Variants in GBE1 observed in about 807,000 individuals in gnomAD.
The protein encoded by GBE1 is 1,4-alpha-glucan branching enzyme 1.
A neutral mutation model predicts 88.8 loss-of-function variants in GBE1; 70 were observed. The ratio of observed to expected loss-of-function variants is 0.79; its 90% CI spans 0.65 to 0.96. The LOEUF (loss-of-function observed/expected upper bound fraction) is 0.96. Among genes scored for constraint, GBE1 ranks in the 40% least tolerant of loss-of-function variants. The pLI is 0.00. For synonymous variants in GBE1, 284 were observed against 300.1 expected (o/e 0.95, Z 0.56); for missense variants, 872 against 871.0 (o/e 1.00, Z -0.01).
intron 14 of GBE1, among the ~76,000 whole-genome samples, chr3:81,529,722 T>C (rs1297724186): frequency 6.6e-6 from 1 of 152,096 alleles, no homozygotes; most frequent in Admixed American, 6.6e-5. Context: ...TTATTTTCTC[T>C]TGCTGCTTTT....
chr3:81,633,354 T>A (rs916336113), intron 7 of GBE1, among the ~76,000 whole-genome samples: 2 of 152,150 alleles, frequency 1.3e-5, no homozygotes, highest in African/African-American at 4.8e-5. Flanking sequence ...AGGGGGAAAT[T>A]AAAGTTAAAC....
chr3:81,542,361 T>G (rs1234099992), intron 12 of GBE1, among the ~76,000 whole-genome samples: 1 of 152,204 alleles, frequency 6.6e-6, no homozygotes, highest in East Asian at 1.9e-4. Context: ...TGTCTGATAT[T>G]TCCCTAACAT....
intron 12 of GBE1, among the ~76,000 whole-genome samples, chr3:81,561,528 C>T (rs898463474): frequency 6.6e-6 from 1 of 151,900 alleles, no homozygotes; most frequent in African/African-American, 2.4e-5. Flanking sequence ...CAAACTGCTC[C>T]AGAGTGGCGG....
chr3:81,631,965 C>T (rs1313280821), intron 7 of GBE1, among the ~76,000 whole-genome samples: 2 of 151,988 alleles, frequency 1.3e-5, no homozygotes, highest in African/African-American at 4.8e-5. Flanking sequence ...CCTTGTCTCC[C>T]ACCCCCCAAT....
At chr3:81,625,803 T>C (rs1048842657) in intron 7 of GBE1, among the ~76,000 whole-genome samples, 4 of 152,004 alleles carry the variant, frequency 2.6e-5, no homozygotes, top group South Asian at 2.1e-4. Context: ...AATCACCAAA[T>C]GTACAGCTGA....
intron 7 of GBE1, among the ~76,000 whole-genome samples, chr3:81,607,111 AGTT>A (rs1293591079): frequency 6.6e-6 from 1 of 152,190 alleles, no homozygotes. Context: ...GAAAAGAAAA[AGTT>A]GTTTAGACCT....
intron 1 of GBE1, among the ~76,000 whole-genome samples, chr3:81,742,027 G>A (rs1275471131): frequency 6.6e-6 from 1 of 151,692 alleles, no homozygotes; most frequent in African/African-American, 2.4e-5. Context: ...AGACAGCAAA[G>A]GGTTTCTCTT....
At chr3:81,726,372 AG>A (rs1172450869) in intron 1 of GBE1, among the ~76,000 whole-genome samples, 1 of 152,146 alleles carries the variant, frequency 6.6e-6, no homozygotes, top group Non-Finnish European at 1.5e-5. Flanking sequence ...TGGAAGTAAG[AG>A]GGAGACAGGA....
intron 1 of GBE1, among the ~76,000 whole-genome samples, chr3:81,722,109 T>A (rs1241252033): frequency 6.6e-6 from 1 of 152,224 alleles, no homozygotes; most frequent in Non-Finnish European, 1.5e-5. Context: ...CTCTTAAGAA[T>A]TCTCAAAATT....
At chr3:81,738,251 C>T (rs1219766774) in intron 1 of GBE1, among the ~76,000 whole-genome samples, 51 of 151,224 alleles carry the variant, frequency 3.4e-4, no homozygotes, top group African/African-American at 1.2e-3. Flanking sequence ...GATTTATAGT[C>T]CTTTGGGTAT....
intron 3 of GBE1, among the ~76,000 whole-genome samples, chr3:81,655,973 T>C (rs1480748485): frequency 6.6e-6 from 1 of 152,244 alleles, no homozygotes; most frequent in Non-Finnish European, 1.5e-5. Flanking sequence ...CTTTCACTAC[T>C]TATCCTTGTT....
At chr3:81,554,876 G>A (rs567712987) in intron 12 of GBE1, among the ~76,000 whole-genome samples, 19 of 152,190 alleles carry the variant, frequency 1.2e-4, no homozygotes, top group South Asian at 4.2e-4. Context: ...GTAGAGAGAC[G>A]TAACTACCTG....
intron 7 of GBE1, among the ~76,000 whole-genome samples, chr3:81,614,860 C>G (rs1398560219): frequency 1.3e-5 from 2 of 151,744 alleles, no homozygotes. Flanking sequence ...CATTCCATCT[C>G]AATAAATAAA....
chr3:81,494,414 T>C (rs933262019), intron 15 of GBE1, among the ~76,000 whole-genome samples: 5 of 152,282 alleles, frequency 3.3e-5, no homozygotes, highest in African/African-American at 1.2e-4. Flanking sequence ...ATTTATAAAA[T>C]AGTTTTGATT....
At chr3:81,526,512 C>T (rs919322340) in intron 14 of GBE1, among the ~76,000 whole-genome samples, 3 of 152,100 alleles carry the variant, frequency 2.0e-5, no homozygotes. Flanking sequence ...TGATAAGCAA[C>T]TTCAGCAAAG....
Position 81,642,797 on chromosome 3 carries a change from A to C in GBE1, c.976T>G (p.Leu326Val). ...RGTHDLWDSR[L>V]FAYSSWEILR... The stretch of plus-strand genomic sequence containing the variant: ...TGTACCTACCTGGAGTAGGCAAACA[A>C]TCTGCTATCCCAAAGATCATGAGTC... Residue 326 changes from leucine to valine, a missense_variant, in exon 7 of 16, where the codon TTG (leucine) becomes GTG (valine). Coordinates refer to ENST00000429644, the MANE Select transcript of GBE1 (RefSeq NM_000158.4). 1 of 1,609,724 alleles carries C rather than the reference A, an allele frequency of 6.2e-7. No individual in the cohort carries two copies. The highest frequency in any genetic ancestry group is 1.3e-5 in the African/African-American group (1 of 74,948).
At chr3:81,545,387 C>T (rs1025109021) in intron 12 of GBE1, among the ~76,000 whole-genome samples, 2 of 152,118 alleles carry the variant, frequency 1.3e-5, no homozygotes, top group African/African-American at 4.8e-5. Context: ...TAAGATTTGA[C>T]GTTTTCCTCT....
rs146024252 is a variant in GBE1, at chr3:81,741,357, C to T, written c.143+20018G>A. ...AAAAGTATTCAGACCTGGAGTGAATCACAATGCAATAGAGCCTTGGTTGTA... is the reference window on the plus strand; with the variant it reads ...AAAAGTATTCAGACCTGGAGTGAATTACAATGCAATAGAGCCTTGGTTGTA... On this transcript the variant is annotated intron_variant, in intron 1 of 15. Coordinates refer to ENST00000429644, the MANE Select transcript of GBE1 (RefSeq NM_000158.4). Among the ~76,000 whole-genome samples, 157 of 152,096 alleles carry T rather than the reference C, an allele frequency of 1.0e-3. 2 individuals are homozygous for T. The South Asian group carries it at 0.014, about 14-fold the overall frequency.
At chr3:81,635,809 T>C (rs1268423898) in intron 7 of GBE1, among the ~76,000 whole-genome samples, 5 of 152,022 alleles carry the variant, frequency 3.3e-5, no homozygotes, top group Non-Finnish European at 5.9e-5. Context: ...AGAAAGAAAA[T>C]AGAGAGATGT....
Sources: allele counts gnomAD v4.1 joint callset (sites outside exome capture counted in the v4.1 genomes callset), GRCh38; gene constraint gnomAD v4.1.1; transcripts MANE v1.5; gene names NCBI Gene and HGNC (gene_info 2026-07-23, HGNC 2026-07-21).